Variants in TRAPPC9 observed in about 807,000 individuals in gnomAD.
TRAPPC9 encodes trafficking protein particle complex subunit 9.
Under a neutral mutation model 124.0 loss-of-function variants are expected in TRAPPC9, and 83 were observed. That is an observed-to-expected ratio of 0.67 (90% CI 0.56 to 0.80). The LOEUF is 0.80. Among genes scored for constraint, TRAPPC9 ranks in the 30% least tolerant of loss-of-function variants. The pLI is 0.00. For synonymous variants in TRAPPC9, 638 were observed against 617.5 expected (o/e 1.03, Z -0.49); for missense variants, 1,302 against 1,508.3 (o/e 0.86, Z 2.27).
intron 17 of TRAPPC9, among the ~76,000 whole-genome samples, chr8:140,168,808 C>T (rs558532833): frequency 6.6e-6 from 1 of 152,216 alleles, no homozygotes; most frequent in Non-Finnish European, 1.5e-5. Flanking sequence ...TTTCCCTCCC[C>T]AAAATGATTT....
intron 11 of TRAPPC9, among the ~76,000 whole-genome samples, chr8:140,295,181 C>T (rs941176155): frequency 6.6e-5 from 10 of 152,140 alleles, no homozygotes; most frequent in African/African-American, 1.4e-4. Flanking sequence ...ACCCATGTGG[C>T]GGGAAAGACT....
chr8:140,236,940 A>G (rs2063744172), intron 16 of TRAPPC9, among the ~76,000 whole-genome samples: 1 of 152,168 alleles, frequency 6.6e-6, no homozygotes, highest in Admixed American at 6.5e-5. Context: ...CCAGAAATTG[A>G]GAGGCCAGGG....
chr8:139,750,420 G>A (rs918954999), intron 21 of TRAPPC9, among the ~76,000 whole-genome samples: 13 of 152,120 alleles, frequency 8.5e-5, no homozygotes, highest in Non-Finnish European at 1.3e-4. Flanking sequence ...GACAAGAGGC[G>A]CCCTCAGGCT....
intron 17 of TRAPPC9, among the ~76,000 whole-genome samples, chr8:140,054,970 T>G (rs1842215424): frequency 6.6e-6 from 1 of 152,094 alleles, no homozygotes; most frequent in Admixed American, 6.6e-5. Context: ...TGTCAAACAT[T>G]TAAAGAATTA....
intron 19 of TRAPPC9, among the ~76,000 whole-genome samples, chr8:139,936,169 G>T (rs924341250): frequency 6.6e-6 from 1 of 152,186 alleles, no homozygotes; most frequent in African/African-American, 2.4e-5. Flanking sequence ...TTGAGATAGC[G>T]CCTACCAGAG....
intron 20 of TRAPPC9, among the ~76,000 whole-genome samples, chr8:139,886,872 C>T (rs761726979): frequency 3.4e-4 from 51 of 152,182 alleles, no homozygotes; most frequent in Non-Finnish European, 7.1e-4. Flanking sequence ...TCGCATTGGC[C>T]AACCCCAGGG....
intron 14 of TRAPPC9, 50 bp downstream of exon 14, chr8:140,283,838 CA>C: frequency 6.2e-7 from 1 of 1,609,138 alleles, no homozygotes; most frequent in Non-Finnish European, 8.5e-7. Flanking sequence ...AATGTAGGAC[CA>C]AAAATGATGC....
intron 17 of TRAPPC9, among the ~76,000 whole-genome samples, chr8:140,071,474 T>A (rs1226098360): frequency 6.6e-6 from 1 of 152,134 alleles, no homozygotes; most frequent in Non-Finnish European, 1.5e-5. Context: ...GGCTCAAGCG[T>A]GCAGTCTCCC....
intron 10 of TRAPPC9, among the ~76,000 whole-genome samples, chr8:140,307,524 TGTCCA>T (rs1464255556): frequency 6.6e-6 from 1 of 152,134 alleles, no homozygotes; most frequent in African/African-American, 2.4e-5. Context: ...TCAACAAAGA[TGTCCA>T]GTCAAGTTCC....
At chr8:139,986,650 C>T (rs545984740) in intron 19 of TRAPPC9, among the ~76,000 whole-genome samples, 2 of 152,286 alleles carry the variant, frequency 1.3e-5, no homozygotes, top group South Asian at 4.1e-4. Context: ...ATGCCCCGAC[C>T]CCAAACCCTC....
intron 21 of TRAPPC9, among the ~76,000 whole-genome samples, chr8:139,761,774 T>G (rs1045907797): frequency 6.6e-6 from 1 of 151,622 alleles, no homozygotes; most frequent in Non-Finnish European, 1.5e-5. Context: ...TGCTGTCCTG[T>G]CACGGGGCAG....
chr8:140,397,975 A>G (rs1298126257), intron 6 of TRAPPC9, among the ~76,000 whole-genome samples: 1 of 152,226 alleles, frequency 6.6e-6, no homozygotes, highest in Admixed American at 6.5e-5. Context: ...AGATCACTGA[A>G]TCATGGGGGT....
chr8:140,458,267 T>G, upstream of TRAPPC9: 1 of 1,552,162 alleles, frequency 6.4e-7, no homozygotes, highest in East Asian at 2.4e-5. Context: ...CCCAGTTCTG[T>G]CCCCGCCGCT....
Position 140,366,768 on chromosome 8 carries a change from A to T in TRAPPC9, c.1351+4196T>A, listed in dbSNP as rs1047374409. Among the ~76,000 whole-genome samples, 4 of 152,252 alleles carry T rather than the reference A, an allele frequency of 2.6e-5. No homozygotes were observed. The South Asian group carries it at 8.3e-4, about 32-fold the overall frequency. ...TTAAAACTTCTGCTCTGCAAAAGAC[A>T]TATCAAGAGAATGAGAAAACAAGAC... On this transcript the variant is annotated intron_variant, in intron 8 of 22. Coordinates refer to ENST00000438773, the MANE Select transcript of TRAPPC9 (RefSeq NM_001160372.4).
chr8:139,991,805 AAAAT>A (rs1837671461), intron 18 of TRAPPC9, among the ~76,000 whole-genome samples: 1 of 152,128 alleles, frequency 6.6e-6, no homozygotes, highest in Non-Finnish European at 1.5e-5. Context: ...CCAGGTGAAA[AAAAT>A]AAGCCCTTTT....
At chr8:140,333,769 T>C (rs538606877) in intron 9 of TRAPPC9, among the ~76,000 whole-genome samples, 2 of 152,366 alleles carry the variant, frequency 1.3e-5, no homozygotes, top group East Asian at 3.9e-4. Flanking sequence ...TGTTTATAAA[T>C]GCCCCATGAG....
intron 9 of TRAPPC9, among the ~76,000 whole-genome samples, chr8:140,344,662 G>A (rs766756730): frequency 3.9e-5 from 6 of 152,238 alleles, no homozygotes; most frequent in African/African-American, 7.2e-5. Context: ...GCAAGGTCCC[G>A]GACAAGAGCC....
chr8:140,123,293 G>A (rs2061021980), intron 17 of TRAPPC9, among the ~76,000 whole-genome samples: 1 of 152,166 alleles, frequency 6.6e-6, no homozygotes, highest in African/African-American at 2.4e-5. Flanking sequence ...TGCCACGCTT[G>A]CATCTTGCAC....
At chr8:139,771,254 A>G (rs1039032640) in intron 21 of TRAPPC9, among the ~76,000 whole-genome samples, 3 of 152,038 alleles carry the variant, frequency 2.0e-5, no homozygotes, top group Non-Finnish European at 4.4e-5. Context: ...TATCTGCCAC[A>G]TTTGCTCCTT....
Sources: gnomAD v4.1 joint callset for allele counts (sites outside exome capture counted in the v4.1 genomes callset) on GRCh38, gnomAD v4.1.1 for gene constraint, MANE v1.5 for transcripts, NCBI Gene and HGNC (gene_info 2026-07-23, HGNC 2026-07-21) for gene names.